MACROD2: variants seen among roughly 807,000 people sequenced by gnomAD.
MACROD2 encodes ADP-ribose glycohydrolase MACROD2.
A neutral mutation model predicts 70.4 loss-of-function variants in MACROD2; 36 were observed. The observed-to-expected ratio is 0.51, with a 90% CI of 0.39 to 0.68. The LOEUF (loss-of-function observed/expected upper bound fraction) is 0.68, where lower values mean the gene tolerates loss of function less well. Among genes scored for constraint, MACROD2 ranks in the 30% least tolerant of loss-of-function variants. The pLI is 0.00. For synonymous variants in MACROD2, 172 were observed against 178.8 expected, an observed-to-expected ratio of 0.96 and a Z score of 0.30; for missense variants, 496 against 538.4, an observed-to-expected ratio of 0.92 and a Z score of 0.78.
At chr20:14,438,432 G>A (rs941395861) in intron 3 of MACROD2, among the ~76,000 whole-genome samples, 13 of 152,146 alleles carry the variant, frequency 8.5e-5, no homozygotes, top group Middle Eastern at 3.2e-3. Context: ...TATATACCCA[G>A]CAGGATTGCT....
At chr20:15,258,044 TA>T (rs147386624) in intron 6 of MACROD2, among the ~76,000 whole-genome samples, 8 of 150,458 alleles carry the variant, frequency 5.3e-5, no homozygotes, top group East Asian at 3.9e-4. Flanking sequence ...TTCAAAAGTT[TA>T]AAAAAAAAGG....
chr20:15,437,072 G>A (rs142373982), intron 7 of MACROD2, among the ~76,000 whole-genome samples: 3 of 152,300 alleles, frequency 2.0e-5, no homozygotes, highest in Non-Finnish European at 2.9e-5. Flanking sequence ...AAATGTGTGA[G>A]AGGGAGGGAA....
intron 4 of MACROD2, among the ~76,000 whole-genome samples, chr20:14,535,229 C>T (rs190345023): frequency 6.6e-6 from 1 of 152,056 alleles, no homozygotes; most frequent in Non-Finnish European, 1.5e-5. Flanking sequence ...CTTGGCTGGG[C>T]GCAGTGGCTC....
chr20:14,585,451 G>A (rs1981311889), intron 4 of MACROD2, among the ~76,000 whole-genome samples: 1 of 151,948 alleles, frequency 6.6e-6, no homozygotes, highest in Admixed American at 6.6e-5. Flanking sequence ...TAGCATAAGA[G>A]GAATATTCAG....
chr20:14,720,928 T>C (rs929441898), intron 5 of MACROD2, among the ~76,000 whole-genome samples: 1 of 151,862 alleles, frequency 6.6e-6, no homozygotes, highest in African/African-American at 2.4e-5. Context: ...AAATATTAGA[T>C]AAAAAGTATG....
At chr20:14,173,125 CT>C (rs2081236933) in intron 3 of MACROD2, among the ~76,000 whole-genome samples, 1 of 152,062 alleles carries the variant, frequency 6.6e-6, no homozygotes, top group African/African-American at 2.4e-5. Context: ...AGGTGATGAT[CT>C]TTTTGCGATA....
At chr20:14,933,002 A>G (rs1373070568) in intron 5 of MACROD2, among the ~76,000 whole-genome samples, 2 of 152,148 alleles carry the variant, frequency 1.3e-5, no homozygotes, top group East Asian at 1.9e-4. Flanking sequence ...GACAAAATAT[A>G]TTGTTGAGAT....
intron 3 of MACROD2, chr20:14,327,027 G>A: frequency 1.2e-6 from 2 of 1,613,720 alleles, no homozygotes; most frequent in South Asian, 1.1e-5. Context: ...TACGGGACAG[G>A]AAAAGCAGTC....
chr20:14,512,682 T>A (rs922005165), intron 4 of MACROD2, among the ~76,000 whole-genome samples: 16 of 152,064 alleles, frequency 1.1e-4, no homozygotes, highest in African/African-American at 3.6e-4. Context: ...TCACACGTAC[T>A]TGACCTGAGA....
intron 3 of MACROD2, among the ~76,000 whole-genome samples, chr20:14,139,119 A>G (rs1366580860): frequency 6.6e-6 from 1 of 152,242 alleles, no homozygotes; most frequent in Non-Finnish European, 1.5e-5. Context: ...CTGAGAAGTC[A>G]TTTATGATAA....
intron 5 of MACROD2, among the ~76,000 whole-genome samples, chr20:15,020,892 C>T (rs1238327151): frequency 3.3e-5 from 5 of 150,940 alleles, no homozygotes; most frequent in Non-Finnish European, 7.4e-5. Flanking sequence ...ATCTGACACT[C>T]TGGAAAAGGG....
chr20:15,401,058 G>C (rs2146307810), intron 6 of MACROD2, among the ~76,000 whole-genome samples: 1 of 150,150 alleles, frequency 6.7e-6, no homozygotes, highest in African/African-American at 2.5e-5. Context: ...TTTTTTTTGA[G>C]ACGGAGTCTT....
chr20:15,516,889 A>G (rs554853237), intron 8 of MACROD2, among the ~76,000 whole-genome samples: 145 of 152,312 alleles, frequency 9.5e-4, no homozygotes, highest in Middle Eastern at 6.8e-3. Flanking sequence ...ATTTCCTATC[A>G]CATAACAGTT....
chr20:15,575,918 T>C (rs1007692039), intron 8 of MACROD2, among the ~76,000 whole-genome samples: 2 of 152,196 alleles, frequency 1.3e-5, no homozygotes, highest in South Asian at 4.1e-4. Context: ...TTGTTTACTT[T>C]ATATATTTTA....
At chr20:14,056,840 T>TA (rs1405938076) in intron 2 of MACROD2, among the ~76,000 whole-genome samples, 3 of 149,916 alleles carry the variant, frequency 2.0e-5, no homozygotes, top group Non-Finnish European at 4.5e-5. Context: ...TTTTTTTTTT[T>TA]ATGTGCTTCA....
At chr20:14,772,552 A>G (rs1014133921) in intron 5 of MACROD2, among the ~76,000 whole-genome samples, 5 of 152,108 alleles carry the variant, frequency 3.3e-5, no homozygotes, top group African/African-American at 1.2e-4. Context: ...ACTCACTATC[A>G]TGAGAAAAGC....
rs11087138 is a variant in MACROD2, at chr20:15,543,600, TAAAAAAAAAA to T, written c.645+43758_645+43767del. 4.6e-3 allele frequency among the ~76,000 whole-genome samples: 673 copies of T among 146,896 alleles called. 3 individuals are homozygous for T. Among genetic ancestry groups the T allele is most frequent in the African/African-American group, 0.016 (639 of 40,058 alleles). On this transcript the variant is annotated intron_variant, in intron 8 of 17. Transcript: ENST00000684519. ...CCAAGCAATGAGGTAAACCTCCTCT[TAAAAAAAAAA>T]AAAATCTTAGTTTTCCATTGTTACA... is the stretch of plus-strand genomic sequence containing the variant.
At chr20:14,858,316 G>C (rs1396689876) in intron 5 of MACROD2, among the ~76,000 whole-genome samples, 1 of 152,044 alleles carries the variant, frequency 6.6e-6, no homozygotes, top group African/African-American at 2.4e-5. Flanking sequence ...AACAGGATGA[G>C]ACAAGCCGGC....
At chr20:14,764,185 C>A (rs1045997717) in intron 5 of MACROD2, among the ~76,000 whole-genome samples, 2 of 152,058 alleles carry the variant, frequency 1.3e-5, no homozygotes, top group African/African-American at 2.4e-5. Flanking sequence ...ATTCTTTTCC[C>A]GCCTTCCCCA....
Sources: gnomAD v4.1 joint callset for allele counts (sites outside exome capture counted in the v4.1 genomes callset) on GRCh38, gnomAD v4.1.1 for gene constraint, MANE v1.5 for transcripts, NCBI Gene and HGNC (gene_info 2026-07-23, HGNC 2026-07-21) for gene names.